SLC41A1: variants seen among roughly 807,000 people sequenced by gnomAD.
SLC41A1 encodes the protein solute carrier family 41 member 1, also known as solute carrier family 41 (magnesium transporter), member 1.
SLC41A1 carries 20 observed loss-of-function variants against 47.3 expected under a neutral mutation model. The ratio of observed to expected loss-of-function variants is 0.42; its 90% CI spans 0.30 to 0.61. The LOEUF (loss-of-function observed/expected upper bound fraction) is 0.61. Among genes scored for constraint, SLC41A1 ranks in the 20% least tolerant of loss-of-function variants. SLC41A1 has a pLI of 0.17. For synonymous variants in SLC41A1, 282 were observed against 272.7 expected (o/e 1.03, Z -0.34); for missense variants, 504 against 674.1 (o/e 0.75, Z 2.79).
intron 7 of SLC41A1, 83 bp from the exon 8 acceptor site, chr1:205,797,086 C>T: frequency 8.0e-7 from 1 of 1,254,310 alleles, no homozygotes; most frequent in Middle Eastern, 1.8e-4. Context: ...CCAGGCCCAC[C>T]TATCCTTGGA....
At chr1:205,812,158 A>C (rs1374161312) in intron 1 of SLC41A1, among the ~76,000 whole-genome samples, 3 of 152,180 alleles carry the variant, frequency 2.0e-5, no homozygotes. Context: ...CCATTTCACC[A>C]GAAGAGCTCT....
intron 2 of SLC41A1, among the ~76,000 whole-genome samples, chr1:205,809,232 G>A (rs1221152804): frequency 2.0e-5 from 3 of 152,164 alleles, no homozygotes; most frequent in Non-Finnish European, 4.4e-5. Flanking sequence ...CTTGGACCTG[G>A]AGGTTCTTCA....
intron 10 of SLC41A1, among the ~76,000 whole-genome samples, chr1:205,793,684 C>G (rs1655675888): frequency 6.6e-6 from 1 of 152,088 alleles, no homozygotes. Flanking sequence ...GGGTGTTGTT[C>G]TCTTTATGTA....
intron 2 of SLC41A1, among the ~76,000 whole-genome samples, chr1:205,807,304 G>A (rs1656035315): frequency 6.6e-6 from 1 of 152,134 alleles, no homozygotes; most frequent in Admixed American, 6.5e-5. Context: ...CAGGAAGGCT[G>A]GGGGAGGAGG....
chr1:205,806,032 TG>T (rs1656006857), intron 2 of SLC41A1, among the ~76,000 whole-genome samples: 1 of 152,340 alleles, frequency 6.6e-6, no homozygotes, highest in Non-Finnish European at 1.5e-5. Flanking sequence ...GGGCTGGAGC[TG>T]ATCTTTTAGG....
chr1:205,795,882 C>T lies in SLC41A1; in HGVS notation c.1073-404G>A, dbSNP rs2102501906. The T allele has an allele frequency of 8.8e-6, 3 of 341,244 alleles. No individual in the cohort carries two copies. In the Admixed American group the frequency reaches 1.2e-4, roughly 14 times the overall value. 21.1% of individuals were successfully genotyped at this position (341,244 alleles called of 1,614,324 possible). A position where few individuals can be genotyped will look rare whatever the true frequency, so the allele number is the denominator to read the frequency against. On this transcript the variant is annotated intron_variant, in intron 8 of 10. Transcript: ENST00000367137. ...GCCCTGCCTTGCCTCACCGCCTCAC[C>T]TCCTCTCCAATGCTCTGAGCAGACC...
intron 8 of SLC41A1, chr1:205,796,294 G>A (rs977991990): frequency 2.4e-5 from 4 of 164,042 alleles, no homozygotes; most frequent in Admixed American, 5.7e-5. Context: ...TCGTTACTAT[G>A]GTTTGAATAT....
At chr1:205,796,240 G>C (rs1655747489) in intron 8 of SLC41A1, 1 of 158,150 alleles carries the variant, frequency 6.3e-6, no homozygotes, top group African/African-American at 2.4e-5. Flanking sequence ...CCCATGTTGG[G>C]GGCAAAGACA....
rs1238778692 is a variant in SLC41A1, at chr1:205,791,060, TG to T, written c.*472del. Reference sequence around the variant, plus strand: ...AAGTTGGTCCACTTCTACAAAAGTATGTCTGTGTTTGGGAGTGTTACTTATT... The same window carrying T: ...AAGTTGGTCCACTTCTACAAAAGTATTCTGTGTTTGGGAGTGTTACTTATT... On this transcript the variant is annotated 3_prime_UTR_variant, in exon 11 of 11. Transcript: ENST00000367137. The surrounding 1 kb of genome is among the most constrained non-coding windows in gnomAD (Gnocchi z 4.0). 4.3e-6 allele frequency: 1 copy of T among 233,522 alleles called. No individual in the cohort carries two copies. 14.5% of individuals were successfully genotyped at this position (233,522 alleles called of 1,614,324 possible). A position where few individuals can be genotyped will look rare whatever the true frequency, so the allele number is the denominator to read the frequency against.
intron 3 of SLC41A1, among the ~76,000 whole-genome samples, chr1:205,800,576 G>A (rs1655855929): frequency 2.7e-4 from 2 of 7,380 alleles, no homozygotes; most frequent in African/African-American, 1.3e-3. Flanking sequence ...CTCCCGCCCA[G>A]CTGCAAAGCA....
In SLC41A1 at chr1:205,810,783, G is replaced by A; in HGVS notation, c.-342C>T. On this transcript the variant is annotated 5_prime_UTR_variant, in exon 2 of 11. Transcript: ENST00000367137. This position sits in a 1 kb window ranked among gnomAD's most constrained non-coding sequence, Gnocchi z 5.5. Reference sequence around the variant, plus strand: ...GGTTCTCAGTGGCAGGCTCCTCAGAGCAGGGGGCATCCAGAGTAGAAGAGC... The same window carrying A: ...GGTTCTCAGTGGCAGGCTCCTCAGAACAGGGGGCATCCAGAGTAGAAGAGC... The A allele has an allele frequency of 2.7e-6, 1 of 364,214 alleles. No homozygotes were observed. The highest frequency in any genetic ancestry group is 2.4e-5 in the South Asian group (1 of 40,972). The allele number at this position is 364,214 out of a possible 1,614,324, so 22.6% of individuals were successfully genotyped here.
chr1:205,791,928 T>C lies in SLC41A1; in HGVS notation c.1357-210A>G, dbSNP rs901128025. ...CAGACAACAGGCACAATAAGAGCTC[T>C]TTAGAAAGGAAGATGCTGCTACGAC... On this transcript the variant is annotated intron_variant, in intron 10 of 10. Transcript: ENST00000367137. The surrounding 1 kb of genome is among the most constrained non-coding windows in gnomAD (Gnocchi z 4.0). Among the ~76,000 whole-genome samples, 2 of 152,240 alleles carry C rather than the reference T, an allele frequency of 1.3e-5. No homozygotes were observed. Among genetic ancestry groups the C allele is most frequent in the Non-Finnish European group, 2.9e-5 (2 of 68,036 alleles).
intron 6 of SLC41A1, among the ~76,000 whole-genome samples, 164 bp from the exon 7 acceptor site, chr1:205,798,215 T>C (rs1042208187): frequency 6.6e-6 from 1 of 152,158 alleles, no homozygotes; most frequent in Non-Finnish European, 1.5e-5. Flanking sequence ...AGGAGGTAGG[T>C]GGGACAAGCC....
In SLC41A1 at chr1:205,797,870, G is replaced by A. The variant is rs758046491; in HGVS notation, c.992+34C>T. 8.7e-6 allele frequency: 14 copies of A among 1,613,446 alleles called. No individual in the cohort carries two copies. In the South Asian group the frequency reaches 1.4e-4, roughly 16 times the overall value. ...AAGAAGTCTGTGGAAGGGTTGGAGT[G>A]GGGTAGGAGTGGATACTCAGGGCCC... is the stretch of plus-strand genomic sequence containing the variant. On this transcript the variant is annotated intron_variant, in intron 7 of 10. Transcript: ENST00000367137.
In SLC41A1 at chr1:205,798,681, A is replaced by T; in HGVS notation, c.832T>A (p.Tyr278Asn). The T allele has an allele frequency of 6.2e-7, 1 of 1,614,184 alleles. No individual in the cohort carries two copies. The highest frequency in any genetic ancestry group is 1.1e-5 in the South Asian group (1 of 91,086). Residue 278 changes from tyrosine (Y) to asparagine (N), a missense_variant, in exon 6 of 11, where the codon TAC becomes AAC. This residue lies in a region of SLC41A1 where 421 missense variants were observed against 601.6 expected (regional missense o/e 0.70). Coordinates refer to ENST00000367137, the MANE Select transcript of SLC41A1 (RefSeq NM_173854.6). Reference sequence around the variant, plus strand: ...CTTGGTGGCTCACTCAGTTCCAGGTAGAGTCCCCAGCTGATGCCTGAGAGC... The same window carrying T: ...CTTGGTGGCTCACTCAGTTCCAGGTTGAGTCCCCAGCTGATGCCTGAGAGC... ...ALLSGISWGL[Y>N]LELNHWRYIY...
At chr1:205,807,135 T>G (rs1272009522) in intron 2 of SLC41A1, among the ~76,000 whole-genome samples, 2 of 152,034 alleles carry the variant, frequency 1.3e-5, no homozygotes, top group South Asian at 4.1e-4. Context: ...TTAGAAACCA[T>G]CCCGCTCTTC....
intron 4 of SLC41A1, 68 bp from the exon 5 acceptor site, chr1:205,799,169 A>T (rs1655815062): frequency 1.2e-6 from 2 of 1,603,244 alleles, no homozygotes; most frequent in African/African-American, 1.3e-5. Flanking sequence ...GGTCATAAGC[A>T]TCTGGGCAGA....
chr1:205,793,916 A>G (rs1655682608), intron 10 of SLC41A1, among the ~76,000 whole-genome samples: 1 of 152,248 alleles, frequency 6.6e-6, no homozygotes, highest in African/African-American at 2.4e-5. Flanking sequence ...GACAGAAAAG[A>G]AGACTTTTCA....
At chr1:205,808,027 C>T (rs987675300) in intron 2 of SLC41A1, among the ~76,000 whole-genome samples, 2 of 151,520 alleles carry the variant, frequency 1.3e-5, no homozygotes, top group African/African-American at 2.4e-5. Context: ...ACGATCTTGG[C>T]TCATTGCAGC....
Sources: gnomAD v4.1 joint callset for allele counts (sites outside exome capture counted in the v4.1 genomes callset) on GRCh38, gnomAD v4.1.1 for gene constraint, gnomAD v4.1.1 regional missense constraint, Gnocchi (gnomAD v3.1) non-coding constraint, MANE v1.5 for transcripts, NCBI Gene and HGNC (gene_info 2026-07-23, HGNC 2026-07-21) for gene names.